HRH4: variants seen among roughly 807,000 people sequenced by gnomAD.
HRH4 encodes histamine receptor H4.
Under a neutral mutation model 10.4 loss-of-function variants are expected in HRH4, and 12 were observed. The observed-to-expected ratio is 1.15, with a 90% confidence interval of 0.74 to 1.87. HRH4 has a LOEUF of 1.87. Among genes scored for constraint, HRH4 ranks in the 40% most tolerant of loss-of-function variants. The probability of loss-of-function intolerance (pLI) is 0.00; values close to 1 mark genes in which losing one functional copy is unlikely to be tolerated. For synonymous variants in HRH4, 154 were observed against 166.6 expected (o/e 0.92, Z 0.58); for missense variants, 415 against 453.3 (o/e 0.92, Z 0.77).
chr18:24,469,105 G>A (rs1909865324), intron 2 of HRH4, among the ~76,000 whole-genome samples, 154 bp downstream of exon 2: 1 of 152,164 alleles, frequency 6.6e-6, no homozygotes, highest in Non-Finnish European at 1.5e-5. Flanking sequence ...AGTTCTTGCT[G>A]GTTGTTAGTT....
chr18:24,469,264 C>T lies in HRH4; in HGVS notation c.357+313C>T, dbSNP rs191619622. On this transcript the variant is annotated intron_variant, in intron 2 of 2. Coordinates refer to ENST00000256906, the MANE Select transcript of HRH4 (RefSeq NM_021624.4). Reference sequence around the variant, plus strand: ...CATGACAGGTTTATGGGTTCTACTCCACAGACATATGGAGTATATGACCTG... The same window carrying T: ...CATGACAGGTTTATGGGTTCTACTCTACAGACATATGGAGTATATGACCTG... Among the ~76,000 whole-genome samples, 6 of 152,264 alleles carry T rather than the reference C, an allele frequency of 3.9e-5. No individual in the cohort carries two copies. In the East Asian group the frequency reaches 1.2e-3, roughly 29 times the overall value.
Position 24,460,652 on chromosome 18 carries a change from G to A in HRH4, c.-77G>A, listed in dbSNP as rs1280031360. 3.4e-6 allele frequency: 3 copies of A among 888,072 alleles called. No individual in the cohort carries two copies. Among genetic ancestry groups the A allele is most frequent in the Admixed American group, 2.7e-5 (1 of 37,508 alleles). The allele number at this position is 888,072 out of a possible 1,614,324, so 55.0% of individuals were successfully genotyped here. A position where few individuals can be genotyped will look rare whatever the true frequency, so the allele number is the denominator to read the frequency against. The stretch of plus-strand genomic sequence containing the variant: ...GTGGAAGACTACACATTTTAGGTAT[G>A]TGATTAGAAAACATACTTGTCAGAA... On this transcript the variant is annotated 5_prime_UTR_variant, in exon 1 of 3. It adds an upstream start codon to the 5' untranslated region. Transcript: ENST00000256906.
At position 24,476,897 on chromosome 18, in the gene HRH4, T is replaced by C; in HGVS notation, c.508T>C (p.Ser170Pro). ...EGSECEPGFF[S>P]EWYILAITSF... The stretch of plus-strand genomic sequence containing the variant: ...TAGTGAATGTGAACCTGGATTTTTT[T>C]CGGAATGGTACATCCTTGCCATCAC... Residue 170 changes from serine (S) to proline (P), a missense_variant, in exon 3 of 3, where the codon TCG (serine) becomes CCG (proline). By Grantham distance (74) the Ser-to-Pro change is moderately conservative. Coordinates refer to ENST00000256906, the MANE Select transcript of HRH4 (RefSeq NM_021624.4). 2 of 1,614,218 alleles carry C rather than the reference T, an allele frequency of 1.2e-6. No individual in the cohort carries two copies. Among genetic ancestry groups the C allele is most frequent in the Non-Finnish European group, 1.7e-6 (2 of 1,180,038 alleles).
chr18:24,473,023 C>T (rs191091028), intron 2 of HRH4, among the ~76,000 whole-genome samples: 93 of 152,098 alleles, frequency 6.1e-4, no homozygotes, highest in Non-Finnish European at 1.2e-3. Flanking sequence ...GGCTTGGTGG[C>T]GGGCGCCTGT....
At chr18:24,466,644 A>G (rs1909784686) in intron 1 of HRH4, among the ~76,000 whole-genome samples, 1 of 152,218 alleles carries the variant, frequency 6.6e-6, no homozygotes, top group Admixed American at 6.5e-5. Flanking sequence ...TTCTGAAACC[A>G]TGCCATTATA....
intron 1 of HRH4, among the ~76,000 whole-genome samples, chr18:24,463,409 A>G (rs1008763943): frequency 2.0e-5 from 3 of 152,192 alleles, no homozygotes; most frequent in African/African-American, 7.2e-5. Context: ...ACCATGACAC[A>G]GTCCCTGGGA....
chr18:24,473,883 A>G (rs1292697185), intron 2 of HRH4, among the ~76,000 whole-genome samples: 2 of 152,214 alleles, frequency 1.3e-5, no homozygotes, highest in Non-Finnish European at 2.9e-5. Context: ...AAGTAGGGTA[A>G]GAGACAGTGT....
intron 1 of HRH4, among the ~76,000 whole-genome samples, chr18:24,464,718 C>T (rs1162766299): frequency 6.6e-6 from 1 of 152,084 alleles, no homozygotes; most frequent in Non-Finnish European, 1.5e-5. Flanking sequence ...ATTTGTTCAT[C>T]CAACAATTAT....
chr18:24,468,419 T>C (rs1409473906), intron 1 of HRH4, among the ~76,000 whole-genome samples: 2 of 152,238 alleles, frequency 1.3e-5, no homozygotes, highest in Non-Finnish European at 2.9e-5. Flanking sequence ...ATAGTTGTTA[T>C]ACTGTAGTGT....
chr18:24,465,752 C>T (rs1198905370), intron 1 of HRH4, among the ~76,000 whole-genome samples: 1 of 152,142 alleles, frequency 6.6e-6, no homozygotes, highest in Non-Finnish European at 1.5e-5. Context: ...AGGGTGACAG[C>T]ACAGTGGGGG....
intron 1 of HRH4, among the ~76,000 whole-genome samples, chr18:24,462,588 C>T (rs894915416): frequency 2.6e-5 from 4 of 152,130 alleles, no homozygotes; most frequent in Admixed American, 6.5e-5. Context: ...AGACTAAGAA[C>T]GGTACGGTGC....
chr18:24,473,612 A>AC (rs2144380118), intron 2 of HRH4, among the ~76,000 whole-genome samples: 1 of 152,106 alleles, frequency 6.6e-6, no homozygotes, highest in East Asian at 1.9e-4. Context: ...GGATAGGGTG[A>AC]CCCCTAATTC....
intron 1 of HRH4, among the ~76,000 whole-genome samples, chr18:24,465,223 G>A (rs1040044270): frequency 6.6e-6 from 1 of 152,186 alleles, no homozygotes; most frequent in Admixed American, 6.5e-5. Flanking sequence ...AGGAGGTGGA[G>A]GTTGCAGTGA....
Position 24,463,726 on chromosome 18 carries a change from A to G in HRH4, c.193+2805A>G, listed in dbSNP as rs1909700005. ...GTTTCAGAACTGGCCCTCTGCGGAGAATCTAAATTTGTGGCACCCAAGTTG... is the reference window on the plus strand; with the variant it reads ...GTTTCAGAACTGGCCCTCTGCGGAGGATCTAAATTTGTGGCACCCAAGTTG... On this transcript the variant is annotated intron_variant, in intron 1 of 2. Transcript: ENST00000256906. Among the ~76,000 whole-genome samples, 4 of 152,180 alleles carry G rather than the reference A, an allele frequency of 2.6e-5. No homozygotes were observed. The South Asian group carries it at 8.3e-4, about 32-fold the overall frequency.
intron 2 of HRH4, among the ~76,000 whole-genome samples, chr18:24,472,632 C>T (rs1289750936): frequency 2.0e-5 from 3 of 152,182 alleles, no homozygotes; most frequent in Middle Eastern, 3.4e-3. Context: ...TGAACTCTTA[C>T]GGTAGCTGAA....
chr18:24,477,564 G>A lies in HRH4; in HGVS notation c.*2G>A, dbSNP rs769086465. ...CACAGTCGGTCAGTATCTTCTTAAA[G>A]ACAATTTTCTCACCTCTGTAAATTT... On this transcript the variant is annotated 3_prime_UTR_variant, in exon 3 of 3. Transcript: ENST00000256906. 1.9e-6 allele frequency: 3 copies of A among 1,546,246 alleles called. No individual in the cohort carries two copies. In the Admixed American group the frequency reaches 6.2e-5, roughly 32 times the overall value.
intron 1 of HRH4, 70 bp downstream of exon 1, chr18:24,460,991 C>A: frequency 8.5e-7 from 1 of 1,180,302 alleles, no homozygotes; most frequent in South Asian, 1.9e-5. Flanking sequence ...TTAAAATAAG[C>A]TTTTGTTATT....
chr18:24,473,609 G>T (rs1910042609), intron 2 of HRH4, among the ~76,000 whole-genome samples: 1 of 152,114 alleles, frequency 6.6e-6, no homozygotes, highest in South Asian at 2.1e-4. Flanking sequence ...ATTGGATAGG[G>T]TGACCCCTAA....
rs148759744 is a variant in HRH4, at chr18:24,460,748, C to T, written c.20C>T (p.Thr7Ile). Reference protein sequence around the residue: MPDTNSTINLSLSTRVT... With the variant: MPDTNSIINLSLSTRVT... ...GATGTGATGCCAGATACTAATAGCACAATCAATTTATCACTAAGCACTCGT... is the reference window on the plus strand; with the variant it reads ...GATGTGATGCCAGATACTAATAGCATAATCAATTTATCACTAAGCACTCGT... Residue 7 changes from threonine (T) to isoleucine (I), a missense_variant, in exon 1 of 3, where the codon ACA becomes ATA. Thr to Ile is a moderately conservative substitution (Grantham distance 89, BLOSUM62 -1). Coordinates refer to ENST00000256906, the MANE Select transcript of HRH4 (RefSeq NM_021624.4). The T allele has an allele frequency of 3.9e-6, 6 of 1,520,308 alleles. No homozygotes were observed. The highest frequency in any genetic ancestry group is 3.6e-6 in the Non-Finnish European group (4 of 1,119,658). 94.2% of individuals were successfully genotyped at this position (1,520,308 alleles called of 1,614,324 possible).
Sources: gnomAD v4.1 joint callset for allele counts (sites outside exome capture counted in the v4.1 genomes callset) on GRCh38, gnomAD v4.1.1 for gene constraint, MANE v1.5 for transcripts, NCBI Gene and HGNC (gene_info 2026-07-23, HGNC 2026-07-21) for gene names.